Variants in SLC6A18 observed in about 807,000 individuals in gnomAD.
SLC6A18 encodes inactive sodium-dependent neutral amino acid transporter B(0)AT3.
In SLC6A18, 58 loss-of-function variants were observed where a neutral mutation model predicts 62.9. The ratio of observed to expected loss-of-function variants is 0.92; its 90% confidence interval spans 0.75 to 1.15. SLC6A18 has a LOEUF of 1.15. Ranked by LOEUF, SLC6A18 falls within the 50% of genes most tolerant of loss-of-function variation. SLC6A18 has a pLI of 0.00. For missense variants in SLC6A18, 793 were observed against 836.6 expected (o/e 0.95, Z 0.64); for synonymous variants, 382 against 365.8 (o/e 1.04, Z -0.51).
In SLC6A18 at chr5:1,233,790, G is replaced by A. The variant is rs574476487; in HGVS notation, c.439+902G>A. Reference sequence around the variant, plus strand: ...GGAGTCTTGCTCTGTCGCCCAGGCTGGAGTGCAGTGGTGCTATCTTGGCTC... The same window carrying A: ...GGAGTCTTGCTCTGTCGCCCAGGCTAGAGTGCAGTGGTGCTATCTTGGCTC... On this transcript the variant is annotated intron_variant, in intron 3 of 11. Transcript: ENST00000324642. 5.5e-3 allele frequency among the ~76,000 whole-genome samples: 819 copies of A among 149,706 alleles called. 7 individuals are homozygous for A. The highest frequency in any genetic ancestry group is 0.019 in the African/African-American group (758 of 40,330).
At position 1,240,513 on chromosome 5, in the gene SLC6A18, G is replaced by C; in HGVS notation, c.846-18G>C. On this transcript the variant is annotated intron_variant, in intron 6 of 11. Coordinates refer to ENST00000324642, the MANE Select transcript of SLC6A18 (RefSeq NM_182632.3). ...TTACCTCCTGCAAAGCCTGTGATGA[G>C]CGTGCGTTTGTGCCCAGGAATGACT... is the stretch of plus-strand genomic sequence containing the variant. 1 of 1,613,918 alleles carries C rather than the reference G, an allele frequency of 6.2e-7. No homozygotes were observed. Among genetic ancestry groups the C allele is most frequent in the Non-Finnish European group, 8.5e-7 (1 of 1,179,882 alleles).
chr5:1,240,218 C>T (rs747061510), intron 6 of SLC6A18, among the ~76,000 whole-genome samples: 3 of 152,258 alleles, frequency 2.0e-5, no homozygotes, highest in Non-Finnish European at 4.4e-5. Context: ...GATGATTTTC[C>T]AAAACATGTA....
At chr5:1,225,822 C>T (rs1371073679) in intron 1 of SLC6A18, among the ~76,000 whole-genome samples, 185 bp downstream of exon 1, 1 of 152,190 alleles carries the variant, frequency 6.6e-6, no homozygotes, top group Non-Finnish European at 1.5e-5. Context: ...CTTCTGGGAC[C>T]TCAGGGCAGC....
rs1050002370 is a variant in SLC6A18, at chr5:1,246,134, G to A, written c.*56G>A. 2.7e-6 allele frequency: 4 copies of A among 1,496,424 alleles called. No individual in the cohort carries two copies. In the African/African-American group the frequency reaches 5.7e-5, roughly 21 times the overall value. The allele number at this position is 1,496,424 out of a possible 1,614,324, so 92.7% of individuals were successfully genotyped here. On this transcript the variant is annotated 3_prime_UTR_variant, in exon 12 of 12. Transcript: ENST00000324642. ...GTCTGTGGGGGGGCTTGGCCTGATG[G>A]TGGGCGGGGCCCCGCCCACAGGGCC...
In SLC6A18 at chr5:1,246,143, G is replaced by GCCCCGC. The variant is rs140436341; in HGVS notation, c.*68_*73dup. Reference sequence around the variant, plus strand: ...GGGGCTTGGCCTGATGGTGGGCGGGGCCCCGCCCACAGGGCCGACCCCAAT... The same window carrying GCCCCGC: ...GGGGCTTGGCCTGATGGTGGGCGGGGCCCCGCCCCCGCCCACAGGGCCGACCCCAAT... On this transcript the variant is annotated 3_prime_UTR_variant, in exon 12 of 12. Coordinates refer to ENST00000324642, the MANE Select transcript of SLC6A18 (RefSeq NM_182632.3). The GCCCCGC allele has an allele frequency of 0.27, 392,358 of 1,437,992 alleles. 57,550 individuals are homozygous for GCCCCGC. The highest frequency in any genetic ancestry group is 0.33 in the South Asian group (24,188 of 73,454). 89.1% of individuals were successfully genotyped at this position (1,437,992 alleles called of 1,614,324 possible).
intron 1 of SLC6A18, among the ~76,000 whole-genome samples, chr5:1,230,245 A>G (rs1440541783): frequency 6.6e-6 from 1 of 151,394 alleles, no homozygotes; most frequent in Non-Finnish European, 1.5e-5. Flanking sequence ...GTGGGGGAAG[A>G]GAGGCTGGCT....
At chr5:1,235,960 T>G (rs1359764036) in intron 4 of SLC6A18, among the ~76,000 whole-genome samples, 2 of 152,228 alleles carry the variant, frequency 1.3e-5, no homozygotes, top group African/African-American at 4.8e-5. Flanking sequence ...TTTGTATCTT[T>G]ATGTTGAAAG....
intron 1 of SLC6A18, among the ~76,000 whole-genome samples, chr5:1,230,870 C>T (rs1746714574): frequency 6.6e-6 from 1 of 152,166 alleles, no homozygotes; most frequent in African/African-American, 2.4e-5. Context: ...GCCCTGGGCA[C>T]AGACGTGGAG....
chr5:1,239,366 C>A (rs1401002527), intron 5 of SLC6A18, 84 bp from the exon 6 acceptor site: 2 of 1,046,074 alleles, frequency 1.9e-6, no homozygotes, highest in Non-Finnish European at 3.0e-6. Context: ...CCCAAAGCCA[C>A]CTTGGGAACG....
Position 1,232,776 on chromosome 5 carries a change from C to G in SLC6A18, c.327C>G (p.Phe109Leu), listed in dbSNP as rs758421824. The G allele has an allele frequency of 6.2e-7, 1 of 1,613,498 alleles. No individual in the cohort carries two copies. Among genetic ancestry groups the G allele is most frequent in the East Asian group, 2.2e-5 (1 of 44,884 alleles). The change falls in exon 3 of 12, where the codon TTC becomes TTG. Residue 109 changes from phenylalanine to leucine, a missense_variant. By Grantham distance (22) the Phe-to-Leu change is conservative. Transcript: ENST00000324642. ...GVGLGCVTLS[F>L]LISLYYNTIV... ...GGCTGGGCTGTGTCACGCTGTCCTT[C>G]CTGATCAGCCTGTACTACAACACCA... is the stretch of plus-strand genomic sequence containing the variant.
chr5:1,236,654 G>A (rs1302160337), intron 4 of SLC6A18, among the ~76,000 whole-genome samples: 1 of 152,124 alleles, frequency 6.6e-6, no homozygotes, highest in African/African-American at 2.4e-5. Flanking sequence ...AAATGACGGT[G>A]CTCAGTCCAT....
intron 10 of SLC6A18, 103 bp downstream of exon 10, chr5:1,244,476 A>C (rs1747161087): frequency 3.8e-6 from 6 of 1,561,612 alleles, no homozygotes; most frequent in Non-Finnish European, 4.3e-6. Context: ...GACCGCCGAG[A>C]ATGTTCTGCC....
At position 1,238,667 on chromosome 5, in the gene SLC6A18, G is replaced by A. The variant is rs899629872; in HGVS notation, c.732+607G>A. On this transcript the variant is annotated intron_variant, in intron 5 of 11. Transcript: ENST00000324642. ...ACTCAGGAAAGAGGTCAGGTTTGGAGTGGGCCTGGAGGAGGACTTCGGTCT... is the reference window on the plus strand; with the variant it reads ...ACTCAGGAAAGAGGTCAGGTTTGGAATGGGCCTGGAGGAGGACTTCGGTCT... Among the ~76,000 whole-genome samples the A allele has an allele frequency of 2.6e-5, 4 of 151,414 alleles. 1 individual carries two copies. Among genetic ancestry groups the A allele is most frequent in the African/African-American group, 9.8e-5 (4 of 40,936 alleles).
intron 1 of SLC6A18, 25 bp downstream of exon 1, chr5:1,225,662 G>A: frequency 1.3e-6 from 2 of 1,539,036 alleles, no homozygotes; most frequent in Admixed American, 3.9e-5. Flanking sequence ...GCGTCCTGGG[G>A]CAGACCCCTA....
intron 1 of SLC6A18, among the ~76,000 whole-genome samples, chr5:1,229,786 G>A (rs1010865014): frequency 2.0e-5 from 3 of 151,522 alleles, no homozygotes; most frequent in Non-Finnish European, 4.4e-5. Context: ...GCTGGGGGTG[G>A]GGGGAAGTGA....
chr5:1,240,553 G>A lies in SLC6A18; in HGVS notation c.868G>A (p.Val290Met). ...SPRNDCQKDA[V>M]VIALVNRMTS... is the part of the protein sequence containing the mutation. ...CAGGAATGACTGCCAGAAGGATGCG[G>A]TGGTCATCGCCCTGGTCAACAGGAT... The change falls in exon 7 of 12, where the codon GTG becomes ATG. Residue 290 changes from valine to methionine, a missense_variant. By Grantham distance (21) the Val-to-Met change is conservative. Transcript: ENST00000324642. 1 of 1,614,180 alleles carries A rather than the reference G, an allele frequency of 6.2e-7. No homozygotes were observed. The highest frequency in any genetic ancestry group is 2.2e-5 in the East Asian group (1 of 44,882).
chr5:1,225,936 G>A (rs7704728), intron 1 of SLC6A18, among the ~76,000 whole-genome samples: 63,075 of 152,130 alleles, frequency 0.41, 13,184 homozygotes, highest in Non-Finnish European at 0.43. Flanking sequence ...TGAATGGGCC[G>A]CCCTGCCCGA....
rs748508212 is a variant in SLC6A18, at chr5:1,232,334, C to T, written c.276C>T (p.Ala92=). The change falls in exon 2 of 12, where the codon GCC becomes GCT. Residue 92 remains alanine (A), a synonymous_variant. Coordinates refer to ENST00000324642, the MANE Select transcript of SLC6A18 (RefSeq NM_182632.3). ...AGGGCAGCGTCGGCGTGTGGACGGC[C>T]ATCTCCCCGTACCTCAGTGGAGTAG... ...LRKGSVGVWT[A]ISPYLSGVGL... The T allele has an allele frequency of 6.2e-7, 1 of 1,611,660 alleles. No individual in the cohort carries two copies. The highest frequency in any genetic ancestry group is 1.1e-5 in the South Asian group (1 of 90,556).
Position 1,243,776 on chromosome 5 carries a change from G to A in SLC6A18, c.1336+17G>A, listed in dbSNP as rs143776496. 4.6e-5 allele frequency: 73 copies of A among 1,577,464 alleles called. No homozygotes were observed. The African/African-American group carries it at 7.8e-4, about 17-fold the overall frequency. On this transcript the variant is annotated intron_variant, in intron 9 of 11. Coordinates refer to ENST00000324642, the MANE Select transcript of SLC6A18 (RefSeq NM_182632.3). This position sits in a 1 kb window ranked among gnomAD's most constrained non-coding sequence, Gnocchi z 6.5. ...CCCTGACTGGTGAGCGCACAGCTCC[G>A]CCGCCCTGGAGGACCCGTCCCCAGC... is the stretch of plus-strand genomic sequence containing the variant.
Sources: gnomAD v4.1 joint callset for allele counts (sites outside exome capture counted in the v4.1 genomes callset) on GRCh38, gnomAD v4.1.1 for gene constraint, Gnocchi (gnomAD v3.1) non-coding constraint, MANE v1.5 for transcripts, NCBI Gene and HGNC (gene_info 2026-07-23, HGNC 2026-07-21) for gene names.